SDCCAG8: variants seen among roughly 807,000 people sequenced by gnomAD.
SDCCAG8 encodes SHH signaling and ciliogenesis regulator SDCCAG8, also known as serologically defined colon cancer antigen 8.
A neutral mutation model predicts 101.8 loss-of-function variants in SDCCAG8; 74 were observed. The ratio of observed to expected loss-of-function variants is 0.73; its 90% CI spans 0.60 to 0.88. The LOEUF (loss-of-function observed/expected upper bound fraction) is 0.88. SDCCAG8 is among the 40% of genes least tolerant of loss of function. The probability of loss-of-function intolerance (pLI) is 0.00; values close to 1 mark genes in which losing one functional copy is unlikely to be tolerated. For missense variants in SDCCAG8, 787 were observed against 822.6 expected (o/e 0.96, Z 0.53); for synonymous variants, 281 against 292.9 (o/e 0.96, Z 0.41).
chr1:243,325,724 A>T (rs1037890710), intron 9 of SDCCAG8, among the ~76,000 whole-genome samples: 1 of 152,216 alleles, frequency 6.6e-6, no homozygotes, highest in African/African-American at 2.4e-5. Context: ...AATGTCTCAA[A>T]GTACCAGTTT....
At chr1:243,426,944 A>G (rs1484388552) in intron 16 of SDCCAG8, among the ~76,000 whole-genome samples, 2 of 152,230 alleles carry the variant, frequency 1.3e-5, no homozygotes, top group Non-Finnish European at 2.9e-5. Flanking sequence ...TAAAGAGGTT[A>G]AACATCTTAT....
At chr1:243,375,043 A>G (rs2077519302) in intron 12 of SDCCAG8, among the ~76,000 whole-genome samples, 1 of 152,180 alleles carries the variant, frequency 6.6e-6, no homozygotes, top group African/African-American at 2.4e-5. Flanking sequence ...TTGTCTCAGC[A>G]GTGAGCAAAT....
chr1:243,266,962 ATG>A (rs1242683685), intron 1 of SDCCAG8, among the ~76,000 whole-genome samples: 250 of 148,108 alleles, frequency 1.7e-3, no homozygotes, highest in Non-Finnish European at 3.3e-3. Flanking sequence ...AAAAAAAAAA[ATG>A]CTGGGCGCGG....
rs1396661796 is a variant in SDCCAG8 at position 243,416,725 on chromosome 1, CACAG to C, written c.1744+901_1744+904del. On this transcript the variant is annotated intron_variant, in intron 14 of 17. Transcript: ENST00000366541. This position sits in a 1 kb window ranked among gnomAD's most constrained non-coding sequence, Gnocchi z 4.3. ...TTCTTTCACTTTTGAGTTGTGTGTTCACAGACAGTGTTAGTCAAAACAAGACAGT... is the reference window on the plus strand; with the variant it reads ...TTCTTTCACTTTTGAGTTGTGTGTTCACAGTGTTAGTCAAAACAAGACAGT... Among the ~76,000 whole-genome samples, 2 of 152,144 alleles carry C rather than the reference CACAG, an allele frequency of 1.3e-5. No homozygotes were observed. Among genetic ancestry groups the C allele is most frequent in the Admixed American group, 6.5e-5 (1 of 15,270 alleles).
At chr1:243,302,273 A>G (rs2071590853) in intron 6 of SDCCAG8, among the ~76,000 whole-genome samples, 1 of 152,106 alleles carries the variant, frequency 6.6e-6, no homozygotes, top group Non-Finnish European at 1.5e-5. Context: ...AAAAAAAAGG[A>G]CGAAAATTAT....
chr1:243,307,900 G>A (rs1242022791), intron 7 of SDCCAG8, 89 bp from the exon 8 acceptor site: 43 of 1,593,762 alleles, frequency 2.7e-5, no homozygotes, highest in Non-Finnish European at 3.3e-5. Context: ...ACCCATAAAC[G>A]ATAGTAGTAG....
intron 13 of SDCCAG8, among the ~76,000 whole-genome samples, chr1:243,413,380 A>G (rs907105222): frequency 9.2e-5 from 14 of 151,972 alleles, no homozygotes. Flanking sequence ...TAATTTGTGT[A>G]TTTTTAGTAG....
chr1:243,336,648 C>A (rs1265547300), intron 10 of SDCCAG8, among the ~76,000 whole-genome samples: 1 of 152,112 alleles, frequency 6.6e-6, no homozygotes, highest in Non-Finnish European at 1.5e-5. Flanking sequence ...GGGAAACTGC[C>A]CCGACGATCC....
At chr1:243,316,664 C>T in intron 8 of SDCCAG8, 91 bp from the exon 9 acceptor site, 1 of 1,515,604 alleles carries the variant, frequency 6.6e-7, no homozygotes, top group Non-Finnish European at 9.1e-7. Context: ...CCTGGCTCTT[C>T]TAATACATAT....
chr1:243,271,859 T>G (rs1411495002), intron 3 of SDCCAG8, among the ~76,000 whole-genome samples: 1 of 152,206 alleles, frequency 6.6e-6, no homozygotes, highest in Non-Finnish European at 1.5e-5. Flanking sequence ...ATAATACGTT[T>G]TAATATGTAA....
intron 16 of SDCCAG8, among the ~76,000 whole-genome samples, chr1:243,432,818 G>A (rs1156649579): frequency 6.6e-6 from 1 of 152,074 alleles, no homozygotes; most frequent in East Asian, 1.9e-4. Flanking sequence ...AAAATTTTAT[G>A]TTACAAAGTT....
intron 16 of SDCCAG8, among the ~76,000 whole-genome samples, chr1:243,481,043 T>C (rs1468081929): frequency 6.6e-6 from 1 of 151,834 alleles, no homozygotes; most frequent in Non-Finnish European, 1.5e-5. Flanking sequence ...GTGACTCCAG[T>C]GTGTCAGGTG....
chr1:243,418,430 A>G (rs549062331), intron 15 of SDCCAG8, among the ~76,000 whole-genome samples: 1 of 152,348 alleles, frequency 6.6e-6, no homozygotes, highest in Non-Finnish European at 1.5e-5. Flanking sequence ...CTATTGTTAC[A>G]ATTCACCATG....
At chr1:243,428,325 T>G (rs946723295) in intron 16 of SDCCAG8, among the ~76,000 whole-genome samples, 1 of 152,248 alleles carries the variant, frequency 6.6e-6, no homozygotes, top group Non-Finnish European at 1.5e-5. Context: ...TTCTACCACA[T>G]GCTGGAATAA....
intron 16 of SDCCAG8, among the ~76,000 whole-genome samples, chr1:243,449,769 TG>T (rs1464353839): frequency 6.6e-6 from 1 of 152,218 alleles, no homozygotes; most frequent in African/African-American, 2.4e-5. Context: ...GACTGGACCA[TG>T]GAGTCCTGGG....
At chr1:243,370,794 A>C (rs574288962) in intron 12 of SDCCAG8, among the ~76,000 whole-genome samples, 1 of 152,072 alleles carries the variant, frequency 6.6e-6, no homozygotes, top group Non-Finnish European at 1.5e-5. Context: ...TATGCAAAGA[A>C]AAAAAAAGTT....
intron 16 of SDCCAG8, among the ~76,000 whole-genome samples, chr1:243,468,481 G>A (rs1259559522): frequency 6.6e-6 from 1 of 152,222 alleles, no homozygotes; most frequent in East Asian, 1.9e-4. Flanking sequence ...GCCTCCCAAA[G>A]TCCTGGGATT....
intron 1 of SDCCAG8, 138 bp from the exon 2 acceptor site, chr1:243,269,967 C>A (rs1300641095): frequency 1.7e-6 from 2 of 1,190,604 alleles, no homozygotes; most frequent in African/African-American, 1.5e-5. Flanking sequence ...CCTCAGCAAG[C>A]TAGAAACAGA....
intron 6 of SDCCAG8, among the ~76,000 whole-genome samples, chr1:243,302,372 T>C (rs1406952528): frequency 6.6e-6 from 1 of 152,166 alleles, no homozygotes; most frequent in African/African-American, 2.4e-5. Flanking sequence ...AGGACATTTA[T>C]TAGTAAGGAA....
Sources: allele counts gnomAD v4.1 joint callset (sites outside exome capture counted in the v4.1 genomes callset), GRCh38; gene constraint gnomAD v4.1.1; non-coding constraint Gnocchi (gnomAD v3.1); transcripts MANE v1.5; gene names NCBI Gene and HGNC (gene_info 2026-07-23, HGNC 2026-07-21).